The following LGR5 variants were observed in gnomAD, a reference collection of about 807,000 sequenced individuals.
LGR5 encodes the protein leucine-rich repeat-containing G protein-coupled receptor 5.
In LGR5, 54 loss-of-function variants were observed where a neutral mutation model predicts 76.7. The observed-to-expected ratio is 0.70, with a 90% CI of 0.57 to 0.88. The LOEUF is 0.88. Among genes scored for constraint, LGR5 ranks in the 40% least tolerant of loss-of-function variants. The probability of loss-of-function intolerance (pLI) is 0.00; values close to 1 mark genes in which losing one functional copy is unlikely to be tolerated. For missense variants in LGR5, 1,078 were observed against 1,073.3 expected (o/e 1.00, Z -0.06); for synonymous variants, 406 against 421.9 (o/e 0.96, Z 0.46).
intron 8 of LGR5, among the ~76,000 whole-genome samples, chr12:71,565,238 CT>C (rs1878281483): frequency 6.6e-6 from 1 of 151,750 alleles, no homozygotes; most frequent in South Asian, 2.1e-4. Flanking sequence ...TGCATTAGCT[CT>C]TTTAATTCTT....
chr12:71,559,493 G>A, intron 6 of LGR5, 93 bp from the exon 7 acceptor site: 1 of 699,216 alleles, frequency 1.4e-6, no homozygotes, highest in South Asian at 1.8e-5. Flanking sequence ...TAGTCATATG[G>A]GTTCCTTGGA....
At chr12:71,465,415 CA>C (rs1173878930) in intron 1 of LGR5, among the ~76,000 whole-genome samples, 1 of 152,178 alleles carries the variant, frequency 6.6e-6, no homozygotes, top group Non-Finnish European at 1.5e-5. Context: ...TCTTCTGTTT[CA>C]AAGGCTCCTT....
intron 2 of LGR5, among the ~76,000 whole-genome samples, chr12:71,521,134 C>T (rs1050334853): frequency 2.6e-5 from 4 of 152,076 alleles, no homozygotes; most frequent in African/African-American, 7.2e-5. Flanking sequence ...AATAGGAAGA[C>T]GAAAGGGAAA....
chr12:71,518,421 C>T (rs1338862696), intron 2 of LGR5, among the ~76,000 whole-genome samples: 1 of 152,148 alleles, frequency 6.6e-6, no homozygotes, highest in Admixed American at 6.5e-5. Context: ...ATTAGCGCAA[C>T]CATTGTGAAG....
chr12:71,550,707 GC>G (rs1475070092), intron 4 of LGR5, among the ~76,000 whole-genome samples: 2 of 151,954 alleles, frequency 1.3e-5, no homozygotes, highest in African/African-American at 2.4e-5. Flanking sequence ...CAGGTGATCT[GC>G]CCCCCTCAGC....
intron 11 of LGR5, chr12:71,567,210 C>G (rs73337632): frequency 0.012 from 4,422 of 368,724 alleles, 68 homozygotes; most frequent in South Asian, 0.031. Flanking sequence ...ATTTCCCCCT[C>G]TAAAGGCTTT....
At chr12:71,477,930 C>T (rs925604561) in intron 1 of LGR5, among the ~76,000 whole-genome samples, 2 of 152,148 alleles carry the variant, frequency 1.3e-5, no homozygotes, top group African/African-American at 4.8e-5. Context: ...GCTCCTTTAG[C>T]GTAATCATCA....
intron 4 of LGR5, among the ~76,000 whole-genome samples, chr12:71,537,875 CTCT>C (rs1876681732): frequency 1.3e-5 from 2 of 152,144 alleles, no homozygotes; most frequent in African/African-American, 4.8e-5. Flanking sequence ...CCATTGCCAT[CTCT>C]TCTTGGACTG....
chr12:71,575,240 A>G (rs1435343006), intron 13 of LGR5, among the ~76,000 whole-genome samples: 4 of 152,210 alleles, frequency 2.6e-5, no homozygotes, highest in Admixed American at 2.0e-4. Context: ...ACAAACAAAC[A>G]AAAACCTCAT....
intron 1 of LGR5, among the ~76,000 whole-genome samples, chr12:71,477,692 C>G (rs1275971851): frequency 6.6e-6 from 1 of 151,946 alleles, no homozygotes; most frequent in African/African-American, 2.4e-5. Context: ...GGAAATTTTT[C>G]TTTTTAATAA....
Position 71,582,508 on chromosome 12 carries a change from C to T in LGR5, c.1605C>T (p.Ala535=), listed in dbSNP as rs755382517. The change falls in exon 17 of 18, where the codon GCC becomes GCT. Residue 535 remains alanine (A), a synonymous_variant. Transcript: ENST00000266674. ...TTGACTTTGAGGAAGACCTGAAAGC[C>T]CTTCATTCAGTGCAGTGTTCACCTT... ...FLLDFEEDLK[A]LHSVQCSPSP... 2.7e-5 allele frequency: 44 copies of T among 1,613,878 alleles called. No individual in the cohort carries two copies. Among genetic ancestry groups the T allele is most frequent in the Non-Finnish European group, 3.6e-5 (43 of 1,179,932 alleles).
At position 71,540,240 on chromosome 12, in the gene LGR5, G is replaced by A. The variant is rs1341878573; in HGVS notation, c.428+5054G>A. ...ACTAGTGAAGTTCAAGATGACCAAAGAGAGTTGCATATTCATGTTTGTCCA... is the reference window on the plus strand; with the variant it reads ...ACTAGTGAAGTTCAAGATGACCAAAAAGAGTTGCATATTCATGTTTGTCCA... On this transcript the variant is annotated intron_variant, in intron 4 of 17. Transcript: ENST00000266674. Among the ~76,000 whole-genome samples the A allele has an allele frequency of 2.0e-5, 3 of 152,186 alleles. No homozygotes were observed. The South Asian group carries it at 6.2e-4, about 32-fold the overall frequency.
chr12:71,549,458 C>CA (rs892808487), intron 4 of LGR5, among the ~76,000 whole-genome samples: 4 of 151,924 alleles, frequency 2.6e-5, no homozygotes, highest in African/African-American at 7.2e-5. Context: ...GTTGTCACCA[C>CA]AAAAAAATGT....
chr12:71,524,503 A>G (rs1319060427), intron 3 of LGR5, 26 bp downstream of exon 3: 3 of 1,537,308 alleles, frequency 2.0e-6, no homozygotes, highest in East Asian at 4.5e-5. Flanking sequence ...GTTGTTGGAT[A>G]TATTTCTGAT....
intron 2 of LGR5, among the ~76,000 whole-genome samples, chr12:71,505,793 T>C (rs1348985989): frequency 6.6e-6 from 1 of 152,198 alleles, no homozygotes; most frequent in Non-Finnish European, 1.5e-5. Context: ...GTGATAAAAT[T>C]GGTATCAAGG....
rs191990783 is a variant in LGR5 at position 71,496,763 on chromosome 12, A to C, written c.213-7851A>C. 1.5e-3 allele frequency among the ~76,000 whole-genome samples: 224 copies of C among 152,366 alleles called. 1 individual carries two copies. Among genetic ancestry groups the C allele is most frequent in the Admixed American group, 2.7e-3 (42 of 15,306 alleles). On this transcript the variant is annotated intron_variant, in intron 1 of 17. Coordinates refer to ENST00000266674, the MANE Select transcript of LGR5 (RefSeq NM_003667.4). ...ACACTATGTTGCATTAAGAAGGAAC[A>C]AACTATTGCTATGCACAACATAAGG...
At position 71,462,579 on chromosome 12, in the gene LGR5, G is replaced by A. The variant is rs1273585886; in HGVS notation, c.212+22287G>A. ...TTCCTGCAAGCTCTTCTCAACTACAGTCTCCTCATCAATGGCTGGGAGTAA... is the reference window on the plus strand; with the variant it reads ...TTCCTGCAAGCTCTTCTCAACTACAATCTCCTCATCAATGGCTGGGAGTAA... On this transcript the variant is annotated intron_variant, in intron 1 of 17. Transcript: ENST00000266674. Among the ~76,000 whole-genome samples the A allele has an allele frequency of 2.6e-5, 4 of 152,054 alleles. No homozygotes were observed. In the East Asian group the frequency reaches 7.7e-4, roughly 29 times the overall value.
At chr12:71,453,832 A>G (rs1287481010) in intron 1 of LGR5, among the ~76,000 whole-genome samples, 2 of 152,140 alleles carry the variant, frequency 1.3e-5, no homozygotes, top group Non-Finnish European at 2.9e-5. Context: ...GCACCTCAGT[A>G]CTCATCTTTG....
chr12:71,553,327 A>T (rs779849409), intron 5 of LGR5, 39 bp downstream of exon 5: 1 of 1,540,952 alleles, frequency 6.5e-7, no homozygotes, highest in African/African-American at 1.4e-5. Flanking sequence ...AACAGTTTCT[A>T]ATGTCACTGG....
Sources: gnomAD v4.1 joint callset for allele counts (sites outside exome capture counted in the v4.1 genomes callset) on GRCh38, gnomAD v4.1.1 for gene constraint, MANE v1.5 for transcripts, NCBI Gene and HGNC (gene_info 2026-07-23, HGNC 2026-07-21) for gene names.